Variants in VWF observed in about 807,000 individuals in gnomAD.
VWF encodes the protein Factor VIII related antigen.
In VWF, 176 loss-of-function variants were observed where a neutral mutation model predicts 308.6. That is an observed-to-expected ratio of 0.57 (90% confidence interval 0.50 to 0.65). VWF has a LOEUF of 0.65. VWF is among the 30% of genes least tolerant of loss of function. VWF has a pLI of 0.00. For missense variants in VWF, 3,146 were observed against 3,648.2 expected (o/e 0.86, Z 3.55); for synonymous variants, 1,385 against 1,443.4 (o/e 0.96, Z 0.92).
chr12:6,055,394 G>A (rs1000861027), intron 15 of VWF, among the ~76,000 whole-genome samples: 1 of 152,106 alleles, frequency 6.6e-6, no homozygotes, highest in Non-Finnish European at 1.5e-5. Flanking sequence ...AAGTGCAAAG[G>A]GGTTACGTGA....
chr12:6,074,870 G>A (rs1944823546), intron 7 of VWF, among the ~76,000 whole-genome samples: 1 of 152,198 alleles, frequency 6.6e-6, no homozygotes, highest in Non-Finnish European at 1.5e-5. Context: ...TCATTAGCCT[G>A]GAGGAGAGAG....
chr12:6,076,716 G>T (rs770847608), intron 6 of VWF, among the ~76,000 whole-genome samples: 3 of 152,176 alleles, frequency 2.0e-5, no homozygotes, highest in Non-Finnish European at 4.4e-5. Flanking sequence ...GCAAAAAAGA[G>T]GAAAGAAACG....
chr12:5,995,970 C>A lies in VWF; in HGVS notation c.6063+32G>T, dbSNP rs780173103. On this transcript the variant is annotated intron_variant, in intron 35 of 51. Coordinates refer to ENST00000261405, the MANE Select transcript of VWF (RefSeq NM_000552.5). ...GGTGGTTTTCCTGACATTCTATTGC[C>A]TTACCACGGATCCACAGAAAGTACT... is the stretch of plus-strand genomic sequence containing the variant. 3.1e-6 allele frequency: 5 copies of A among 1,604,300 alleles called. No individual in the cohort carries two copies. In the African/African-American group the frequency reaches 6.7e-5, roughly 21 times the overall value.
At chr12:6,088,073 AC>A (rs1458715712) in intron 6 of VWF, among the ~76,000 whole-genome samples, 2 of 152,232 alleles carry the variant, frequency 1.3e-5, no homozygotes, top group Admixed American at 1.3e-4. Flanking sequence ...ACACCAAGTG[AC>A]TACTGTTCAT....
At chr12:5,974,458 C>T (rs890233512) in intron 43 of VWF, among the ~76,000 whole-genome samples, 41 of 152,170 alleles carry the variant, frequency 2.7e-4, no homozygotes, top group Non-Finnish European at 2.8e-4. Context: ...AGCTTTTCTA[C>T]GCAGCCAGGA....
At position 6,063,097 on chromosome 12, in the gene VWF, G is replaced by A; in HGVS notation, c.1433-43C>T. 1 of 1,546,668 alleles carries A rather than the reference G, an allele frequency of 6.5e-7. No homozygotes were observed. The highest frequency in any genetic ancestry group is 1.1e-5 in the South Asian group (1 of 89,198). On this transcript the variant is annotated intron_variant, in intron 12 of 51. Transcript: ENST00000261405. This position sits in a 1 kb window ranked among gnomAD's most constrained non-coding sequence, Gnocchi z 4.9. ...AGGACTCAGGCAGAGGTGGGGAGAG[G>A]ACAGGGTGGTGGCAGGCAGATGTAT...
chr12:5,967,492 G>T lies in VWF; in HGVS notation c.7881C>A (p.Cys2627Ter). The T allele has an allele frequency of 6.2e-7, 1 of 1,614,086 alleles. No homozygotes were observed. The highest frequency in any genetic ancestry group is 8.5e-7 in the Non-Finnish European group (1 of 1,179,990). Residue 2627 changes from cysteine to a stop codon, truncating the protein, a stop_gained, in exon 47 of 52, where the codon TGC becomes TGA. Coordinates refer to ENST00000261405, the MANE Select transcript of VWF (RefSeq NM_000552.5). LOFTEE classifies it high-confidence loss of function. Reference sequence around the variant, plus strand: ...CCCATTGAGCCTCTCTTACCAGGGGGCAGGGGTTGCAGGTGGTCTTCCTGC... The same window carrying T: ...CCCATTGAGCCTCTCTTACCAGGGGTCAGGGGTTGCAGGTGGTCTTCCTGC... ...LECRKTTCNP[C>*]PLGYKEENNT...
chr12:6,104,234 T>C (rs775504938), intron 5 of VWF, among the ~76,000 whole-genome samples: 5 of 152,128 alleles, frequency 3.3e-5, no homozygotes, highest in Non-Finnish European at 7.4e-5. Context: ...GATATCATCT[T>C]ACCCTAGTCA....
rs200710351 is a variant in VWF at position 6,121,268 on chromosome 12, G to T, written c.126C>A (p.Phe42Leu). 1.2e-6 allele frequency: 2 copies of T among 1,614,114 alleles called. No individual in the cohort carries two copies. The highest frequency in any genetic ancestry group is 2.7e-5 in the African/African-American group (2 of 74,942). ...TARCSLFGSDFVNTFDGSMYS... is the reference protein window; with the variant it reads ...TARCSLFGSDLVNTFDGSMYS... ...ACATGCTCCCATCAAAGGTGTTGAC[G>T]AAGTCACTTCCGAAAAGGCTGCATC... Residue 42 changes from phenylalanine (F) to leucine (L), a missense_variant, in exon 3 of 52, where the codon TTC becomes TTA. Around this residue, in one of 3 missense-constraint regions of VWF, gnomAD observed 1,304 missense variants for 1,353.0 expected, o/e 0.96. Transcript: ENST00000261405.
At chr12:6,076,070 T>G (rs11611247) in intron 6 of VWF, among the ~76,000 whole-genome samples, 70 of 140,852 alleles carry the variant, frequency 5.0e-4, no homozygotes, top group African/African-American at 1.6e-3. Context: ...ATCAGCAAGA[T>G]TTTTTTTTTT....
intron 3 of VWF, among the ~76,000 whole-genome samples, chr12:6,113,355 T>G (rs954514447): frequency 4.0e-4 from 61 of 151,102 alleles, no homozygotes; most frequent in Admixed American, 2.7e-4. Flanking sequence ...TGGAGTGCAG[T>G]GGCGCGATCT....
chr12:6,106,870 C>T (rs1482213260), intron 5 of VWF, among the ~76,000 whole-genome samples: 7 of 119,850 alleles, frequency 5.8e-5, no homozygotes, highest in Non-Finnish European at 1.2e-4. Context: ...AGTGAAACTC[C>T]GACTCAAAAA....
chr12:6,103,415 C>CGTGTGTGTATACACGT (rs1945197623), intron 5 of VWF, among the ~76,000 whole-genome samples: 1 of 112,962 alleles, frequency 8.9e-6, no homozygotes, highest in Non-Finnish European at 1.6e-5. Flanking sequence ...TGTATACACA[C>CGTGTGTGTATACACGT]GTGTGTGTAT....
chr12:5,964,300 A>ATACATACATGCAT (rs1267334614), intron 47 of VWF, among the ~76,000 whole-genome samples: 3 of 151,936 alleles, frequency 2.0e-5, no homozygotes, highest in Non-Finnish European at 2.9e-5. Flanking sequence ...ACATACATAC[A>ATACATACATGCAT]AAAAGCTACC....
At chr12:6,100,087 T>C (rs957900245) in intron 5 of VWF, among the ~76,000 whole-genome samples, 12 of 152,020 alleles carry the variant, frequency 7.9e-5, no homozygotes, top group Non-Finnish European at 1.2e-4. Context: ...GTGAAGGACA[T>C]GAGCAGACAC....
In VWF at chr12:5,996,198, C is replaced by T. The variant is rs766705058; in HGVS notation, c.5867G>A (p.Arg1956Gln). Residue 1956 changes from arginine to glutamine, a missense_variant, in exon 35 of 52, where the codon CGG becomes CAG. Transcript: ENST00000261405. ...CTGCCCATCAAAGGTCACGATGTGC[C>T]GAGTGGAGCTGCCTGTGCACACGCC... is the stretch of plus-strand genomic sequence containing the variant. ...CPCVCTGSST[R>Q]HIVTFDGQNF... 2.9e-5 allele frequency: 47 copies of T among 1,613,198 alleles called. No homozygotes were observed. The highest frequency in any genetic ancestry group is 3.8e-5 in the Non-Finnish European group (45 of 1,179,748).
At chr12:6,047,919 T>C (rs960988727) in intron 16 of VWF, among the ~76,000 whole-genome samples, 1 of 152,186 alleles carries the variant, frequency 6.6e-6, no homozygotes, top group African/African-American at 2.4e-5. Context: ...TGAATGTGTA[T>C]AAGGATTTTA....
At chr12:6,103,046 G>T (rs541715446) in intron 5 of VWF, among the ~76,000 whole-genome samples, 17 of 151,382 alleles carry the variant, frequency 1.1e-4, no homozygotes, top group Admixed American at 1.1e-3. Context: ...CACATAGATC[G>T]GCCAGGCGTG....
At chr12:5,983,071 G>A in intron 41 of VWF, 79 bp downstream of exon 41, 1 of 1,375,152 alleles carries the variant, frequency 7.3e-7, no homozygotes, top group Non-Finnish European at 1.0e-6. Flanking sequence ...GATCTTGGAA[G>A]AGGTCCCTGA....
Sources: gnomAD v4.1 joint callset for allele counts (sites outside exome capture counted in the v4.1 genomes callset) on GRCh38, gnomAD v4.1.1 for gene constraint, gnomAD v4.1.1 regional missense constraint, Gnocchi (gnomAD v3.1) non-coding constraint, MANE v1.5 for transcripts, NCBI Gene and HGNC (gene_info 2026-07-23, HGNC 2026-07-21) for gene names.